The following NKAIN2 variants were observed in gnomAD, a reference collection of about 807,000 sequenced individuals.
The protein encoded by NKAIN2 is sodium/potassium transporting ATPase interacting 2, also known as sodium/potassium-transporting ATPase subunit beta-1-interacting protein 2.
Under a neutral mutation model 32.6 loss-of-function variants are expected in NKAIN2, and 14 were observed. The observed-to-expected ratio is 0.43, with a 90% CI of 0.28 to 0.67. The LOEUF is 0.67. NKAIN2 is among the 30% of genes least tolerant of loss of function. The pLI is 0.17. For synonymous variants in NKAIN2, 80 were observed against 87.2 expected (o/e 0.92, Z 0.46); for missense variants, 198 against 258.3 (o/e 0.77, Z 1.60).
chr6:124,152,251 A>G (rs1787763621), intron 1 of NKAIN2, among the ~76,000 whole-genome samples: 1 of 151,966 alleles, frequency 6.6e-6, no homozygotes. Context: ...TGTCGTAATC[A>G]CAGTTAATAA....
At chr6:124,081,663 A>G (rs761897716) in intron 1 of NKAIN2, among the ~76,000 whole-genome samples, 4 of 152,122 alleles carry the variant, frequency 2.6e-5, no homozygotes, top group Admixed American at 6.6e-5. Flanking sequence ...GTCATGAAAT[A>G]GAGTAAATAT....
intron 1 of NKAIN2, among the ~76,000 whole-genome samples, chr6:123,901,343 A>G (rs1026516458): frequency 6.6e-6 from 1 of 152,072 alleles, no homozygotes; most frequent in Middle Eastern, 3.2e-3. Flanking sequence ...TTAATTAAAT[A>G]TTTATATTTG....
intron 4 of NKAIN2, among the ~76,000 whole-genome samples, chr6:124,756,624 T>C (rs775829262): frequency 7.4e-5 from 11 of 148,156 alleles, no homozygotes; most frequent in African/African-American, 1.5e-4. Flanking sequence ...CAAGATCCCA[T>C]CTCTATATAA....
At chr6:124,343,322 T>A (rs1798229641) in intron 2 of NKAIN2, among the ~76,000 whole-genome samples, 1 of 151,520 alleles carries the variant, frequency 6.6e-6, no homozygotes, top group Non-Finnish European at 1.5e-5. Flanking sequence ...GCAGCATGAT[T>A]TATAGTCCTT....
chr6:123,957,769 C>A (rs1777663852), intron 1 of NKAIN2, among the ~76,000 whole-genome samples: 1 of 151,642 alleles, frequency 6.6e-6, no homozygotes, highest in Non-Finnish European at 1.5e-5. Context: ...AATGTATTAC[C>A]CAAAAAATCT....
At chr6:124,650,683 C>T (rs1199929366) in intron 3 of NKAIN2, among the ~76,000 whole-genome samples, 2 of 152,134 alleles carry the variant, frequency 1.3e-5, no homozygotes, top group East Asian at 3.9e-4. Context: ...CAACGCATGG[C>T]CTAATCACCT....
intron 1 of NKAIN2, among the ~76,000 whole-genome samples, chr6:124,198,095 C>G (rs920879255): frequency 1.3e-5 from 2 of 151,928 alleles, no homozygotes; most frequent in Non-Finnish European, 2.9e-5. Context: ...TTAAATAACT[C>G]TAGATATGGG....
intron 1 of NKAIN2, among the ~76,000 whole-genome samples, chr6:124,103,877 G>A (rs1261071196): frequency 1.3e-5 from 2 of 152,190 alleles, no homozygotes; most frequent in East Asian, 3.9e-4. Context: ...CATGAGATCA[G>A]GAGATCGAGA....
chr6:124,103,215 C>T (rs920731888), intron 1 of NKAIN2, among the ~76,000 whole-genome samples: 3 of 152,174 alleles, frequency 2.0e-5, no homozygotes, highest in Admixed American at 6.5e-5. Flanking sequence ...GATCTTGCTA[C>T]TGGTCCCATT....
intron 1 of NKAIN2, among the ~76,000 whole-genome samples, chr6:124,198,094 T>C (rs78957833): frequency 0.011 from 1,674 of 152,152 alleles, 15 homozygotes; most frequent in Non-Finnish European, 0.018. Flanking sequence ...TTTAAATAAC[T>C]CTAGATATGG....
chr6:124,731,641 A>G (rs1420943665), intron 4 of NKAIN2, among the ~76,000 whole-genome samples: 3 of 151,280 alleles, frequency 2.0e-5, no homozygotes, highest in Non-Finnish European at 4.4e-5. Context: ...GTGCACCAGC[A>G]TGGCACATGT....
chr6:124,528,136 A>T (rs1779388730), intron 3 of NKAIN2, among the ~76,000 whole-genome samples: 1 of 152,168 alleles, frequency 6.6e-6, no homozygotes, highest in Non-Finnish European at 1.5e-5. Context: ...GAGTAGTGGG[A>T]TCCATTTAAG....
In NKAIN2 at chr6:124,726,946, A is replaced by T. The variant is rs1464882293; in HGVS notation, c.475-64393A>T. Among the ~76,000 whole-genome samples, 3 of 137,286 alleles carry T rather than the reference A, an allele frequency of 2.2e-5. No homozygotes were observed. In the East Asian group the frequency reaches 6.8e-4, roughly 31 times the overall value. The allele number at this position is 137,286 out of a possible 152,430, so 90.1% of individuals were successfully genotyped here. The stretch of plus-strand genomic sequence containing the variant: ...AGGAGCTGATGCAATCAACTGGAAG[A>T]AAGGGTATCAGCGATGGAAGATGAA... On this transcript the variant is annotated intron_variant, in intron 4 of 6. Transcript: ENST00000368417.
At chr6:124,279,004 C>G (rs1357984646) in intron 1 of NKAIN2, among the ~76,000 whole-genome samples, 1 of 152,012 alleles carries the variant, frequency 6.6e-6, no homozygotes, top group Non-Finnish European at 1.5e-5. Flanking sequence ...GTGAGAAACA[C>G]AAGGTGAAAA....
intron 2 of NKAIN2, among the ~76,000 whole-genome samples, chr6:124,325,489 G>GA (rs371557048): frequency 1.3e-5 from 2 of 151,782 alleles, no homozygotes; most frequent in Non-Finnish European, 2.9e-5. Flanking sequence ...AAAAAAACAG[G>GA]AAAAAAATTG....
At chr6:124,026,157 G>T (rs1781102608) in intron 1 of NKAIN2, among the ~76,000 whole-genome samples, 2 of 152,182 alleles carry the variant, frequency 1.3e-5, no homozygotes, top group South Asian at 2.1e-4. Flanking sequence ...GTACAGTTTG[G>T]GGGTTTTTGG....
chr6:123,983,189 T>C (rs551885615), intron 1 of NKAIN2, among the ~76,000 whole-genome samples: 5 of 152,278 alleles, frequency 3.3e-5, no homozygotes, highest in South Asian at 2.1e-4. Flanking sequence ...TTTGGACAAA[T>C]TGATTTGGAA....
At chr6:124,187,662 C>T (rs940137325) in intron 1 of NKAIN2, among the ~76,000 whole-genome samples, 1 of 152,106 alleles carries the variant, frequency 6.6e-6, no homozygotes, top group Admixed American at 6.6e-5. Context: ...AGTTAAAATT[C>T]TCTGTCTACC....
Position 124,791,351 on chromosome 6 carries a change from A to G in NKAIN2, c.487A>G (p.Ile163Val). The change falls in exon 5 of 7, where the codon ATC (isoleucine) becomes GTC (valine). Residue 163 changes from isoleucine to valine, a missense_variant. Coordinates refer to ENST00000368417, the MANE Select transcript of NKAIN2 (RefSeq NM_001040214.3). ...TGTTTTGTTTCAGCTGGCAGGTTTC[A>G]TCTACGCCTGTTATGTTGTGAAATG... is the stretch of plus-strand genomic sequence containing the variant. ...LQIVLALAGF[I>V]YACYVVKCIT... is the part of the protein sequence containing the mutation. The G allele has an allele frequency of 1.9e-6, 3 of 1,609,834 alleles. No individual in the cohort carries two copies. Among genetic ancestry groups the G allele is most frequent in the South Asian group, 1.1e-5 (1 of 90,620 alleles).
Sources: allele counts gnomAD v4.1 joint callset (sites outside exome capture counted in the v4.1 genomes callset), GRCh38; gene constraint gnomAD v4.1.1; transcripts MANE v1.5; gene names NCBI Gene and HGNC (gene_info 2026-07-23, HGNC 2026-07-21).